Variants in USP25 observed in about 807,000 individuals in gnomAD.
The protein encoded by USP25 is ubiquitin specific peptidase 25.
Under a neutral mutation model 158.5 loss-of-function variants are expected in USP25, and 85 were observed. The ratio of observed to expected loss-of-function variants is 0.54; its 90% CI spans 0.45 to 0.64. The LOEUF is 0.64. Ranked by LOEUF, USP25 falls within the 30% of genes least tolerant of loss-of-function variation. The pLI is 0.00. For missense variants in USP25, 1,242 were observed against 1,327.3 expected, an observed-to-expected ratio of 0.94 and a Z score of 1.00; for synonymous variants, 464 against 460.4, an observed-to-expected ratio of 1.01 and a Z score of -0.10.
intron 4 of USP25, among the ~76,000 whole-genome samples, chr21:15,787,018 CA>C (rs1291261763): frequency 6.6e-6 from 1 of 151,784 alleles, no homozygotes; most frequent in Admixed American, 6.6e-5. Flanking sequence ...ACAAGAGCTA[CA>C]AAAAATCTAG....
Position 15,859,486 on chromosome 21 carries a change from C to T in USP25, c.2548-4782C>T, listed in dbSNP as rs141544391. Among the ~76,000 whole-genome samples the T allele has an allele frequency of 7.7e-3, 1,177 of 152,156 alleles. 29 individuals carry two copies. The East Asian group carries it at 0.1, about 14-fold the overall frequency. On this transcript the variant is annotated intron_variant, in intron 20 of 25. Coordinates refer to ENST00000400183, the MANE Select transcript of USP25 (RefSeq NM_001283041.3). ...CTGGGATTACAGGCGTGAGCCACTG[C>T]GCCCGGCCGCTTTCTCTTGTTTTTC...
chr21:15,815,902 G>T (rs188905774), intron 9 of USP25, among the ~76,000 whole-genome samples: 10 of 152,276 alleles, frequency 6.6e-5, no homozygotes, highest in African/African-American at 1.7e-4. Flanking sequence ...CCTTGTCTTA[G>T]ATGTGGTTTG....
intron 24 of USP25, chr21:15,877,392 C>T (rs2040140475): frequency 6.3e-6 from 1 of 158,866 alleles, no homozygotes; most frequent in South Asian, 1.9e-4. Flanking sequence ...ATTCAGTTGC[C>T]ATTAATGGAG....
intron 17 of USP25, among the ~76,000 whole-genome samples, chr21:15,838,129 T>C (rs1429864618): frequency 6.6e-6 from 1 of 151,848 alleles, no homozygotes; most frequent in Non-Finnish European, 1.5e-5. Flanking sequence ...GGCTTCACCA[T>C]GTTGATCAGT....
chr21:15,819,129 G>A (rs1431617113), intron 10 of USP25, among the ~76,000 whole-genome samples: 3 of 152,144 alleles, frequency 2.0e-5, no homozygotes, highest in Non-Finnish European at 4.4e-5. Flanking sequence ...CCAGCCATTA[G>A]CAGCATGCTA....
intron 1 of USP25, among the ~76,000 whole-genome samples, chr21:15,736,722 C>G (rs1228798960): frequency 6.6e-6 from 1 of 151,868 alleles, no homozygotes; most frequent in African/African-American, 2.4e-5. Context: ...TTAGGTAAGA[C>G]ATTTTAGCAT....
chr21:15,866,376 A>G (rs1182459903), intron 22 of USP25, 32 bp downstream of exon 22: 1 of 1,486,694 alleles, frequency 6.7e-7, no homozygotes, highest in Non-Finnish European at 9.1e-7. Flanking sequence ...TAAACTACAG[A>G]TTTAGGGATT....
Position 15,766,007 on chromosome 21 carries a change from G to A in USP25, c.134G>A (p.Gly45Glu). 6.2e-7 allele frequency: 1 copy of A among 1,603,410 alleles called. No individual in the cohort carries two copies. Among genetic ancestry groups the A allele is most frequent in the Non-Finnish European group, 8.5e-7 (1 of 1,175,598 alleles). Residue 45 changes from glycine (G) to glutamate (E), a missense_variant, in exon 3 of 26, where the codon GGA (glycine) becomes GAA (glutamate). Physicochemically the swap from Gly to Glu is moderately conservative, Grantham distance 98. Transcript: ENST00000400183. This position sits in a 1 kb window ranked among gnomAD's most constrained non-coding sequence, Gnocchi z 4.0. ...TCTTGATATTTGAAGGATAGTAATG[G>A]AAACTTGGAATTAGCAGTGGCTTTC... Reference protein sequence around the residue: ...ILQQALKDSNGNLELAVAFLT... With the variant: ...ILQQALKDSNENLELAVAFLT...
intron 1 of USP25, among the ~76,000 whole-genome samples, chr21:15,748,890 T>TA (rs1194428904): frequency 1.3e-5 from 2 of 152,234 alleles, no homozygotes; most frequent in Admixed American, 6.5e-5. Flanking sequence ...AAGTAAATTT[T>TA]ATTTCTGTTG....
At chr21:15,803,123 G>T (rs2036213063) in intron 6 of USP25, among the ~76,000 whole-genome samples, 1 of 151,592 alleles carries the variant, frequency 6.6e-6, no homozygotes, top group African/African-American at 2.4e-5. Context: ...ACTGGAACCT[G>T]TCCACCAAAA....
Position 15,757,207 on chromosome 21 carries a change from A to T in USP25, c.46-5684A>T, listed in dbSNP as rs566905881. ...AGTAACAAAGGGAAAAAAACTTTGC[A>T]AATGAGGTGGCTTCTCTAACTTAAA... On this transcript the variant is annotated intron_variant, in intron 1 of 25. Transcript: ENST00000400183. Among the ~76,000 whole-genome samples, 7 of 152,312 alleles carry T rather than the reference A, an allele frequency of 4.6e-5. No homozygotes were observed. The South Asian group carries it at 1.5e-3, about 32-fold the overall frequency.
intron 4 of USP25, among the ~76,000 whole-genome samples, chr21:15,785,483 C>G (rs1476746435): frequency 6.6e-6 from 1 of 152,140 alleles, no homozygotes; most frequent in East Asian, 1.9e-4. Flanking sequence ...TTTACCAGAT[C>G]ACAACTATAT....
intron 1 of USP25, among the ~76,000 whole-genome samples, chr21:15,738,530 G>C (rs1454825838): frequency 6.6e-6 from 1 of 152,134 alleles, no homozygotes; most frequent in Non-Finnish European, 1.5e-5. Flanking sequence ...ACTGTTATAT[G>C]GCAGTGCTTT....
chr21:15,818,648 A>T (rs778622078), intron 9 of USP25, 50 bp from the exon 10 acceptor site: 2 of 1,498,964 alleles, frequency 1.3e-6, no homozygotes, highest in South Asian at 2.5e-5. Flanking sequence ...TCTTAATTTT[A>T]GTAGCCAGAA....
chr21:15,825,130 T>C (rs572810632), intron 12 of USP25, 69 bp downstream of exon 12: 101 of 1,208,866 alleles, frequency 8.4e-5, no homozygotes, highest in Non-Finnish European at 1.2e-4. Flanking sequence ...AGATTTTTAA[T>C]TTCAAATTTG....
chr21:15,826,916 G>A lies in USP25; in HGVS notation c.1467-61G>A, dbSNP rs372907408. The A allele has an allele frequency of 1.2e-4, 184 of 1,565,082 alleles. 4 individuals are homozygous for A. The East Asian group carries it at 3.0e-3, about 26-fold the overall frequency. Reference sequence around the variant, plus strand: ...CAATTTAATACTGTGGGTTTGGCACGATCTTTGTCAAGAGTTTCAGCTTGA... The same window carrying A: ...CAATTTAATACTGTGGGTTTGGCACAATCTTTGTCAAGAGTTTCAGCTTGA... On this transcript the variant is annotated intron_variant, in intron 13 of 25. Transcript: ENST00000400183. This position sits in a 1 kb window ranked among gnomAD's most constrained non-coding sequence, Gnocchi z 4.8.
intron 1 of USP25, among the ~76,000 whole-genome samples, chr21:15,761,340 C>A (rs768409783): frequency 6.6e-6 from 1 of 152,166 alleles, no homozygotes; most frequent in Non-Finnish European, 1.5e-5. Flanking sequence ...GAATGTCAGG[C>A]AACCATTAGG....
At chr21:15,836,569 C>T (rs1417820693) in intron 17 of USP25, among the ~76,000 whole-genome samples, 1 of 85,858 alleles carries the variant, frequency 1.2e-5, no homozygotes, top group African/African-American at 4.8e-5. Context: ...AGATTTTCAG[C>T]CAGCCATTCT....
At chr21:15,782,990 A>G (rs908612145) in intron 4 of USP25, among the ~76,000 whole-genome samples, 4 of 152,220 alleles carry the variant, frequency 2.6e-5, no homozygotes, top group Non-Finnish European at 5.9e-5. Context: ...AGAGAATACA[A>G]CAATTTAACG....
Sources: allele counts gnomAD v4.1 joint callset (sites outside exome capture counted in the v4.1 genomes callset), GRCh38; gene constraint gnomAD v4.1.1; non-coding constraint Gnocchi (gnomAD v3.1); transcripts MANE v1.5; gene names NCBI Gene and HGNC (gene_info 2026-07-23, HGNC 2026-07-21).